ADAMTSL1: variants seen among roughly 807,000 people sequenced by gnomAD.
ADAMTSL1 encodes the protein ADAMTS like 1, also known as ADAMTS-like protein 1.
In ADAMTSL1, 126 loss-of-function variants were observed where a neutral mutation model predicts 201.8. That is an observed-to-expected ratio of 0.62 (90% CI 0.54 to 0.72). The LOEUF (loss-of-function observed/expected upper bound fraction) is 0.72. Ranked by LOEUF, ADAMTSL1 falls within the 30% of genes least tolerant of loss-of-function variation. The probability of loss-of-function intolerance (pLI) is 0.00; values close to 1 mark genes in which losing one functional copy is unlikely to be tolerated. For missense variants in ADAMTSL1, 2,679 were observed against 2,277.8 expected, an observed-to-expected ratio of 1.18 and a Z score of -3.59; for synonymous variants, 1,121 against 903.4, an observed-to-expected ratio of 1.24 and a Z score of -4.32.
chr9:18,261,076 T>G (rs1587418495), intron 2 of ADAMTSL1, among the ~76,000 whole-genome samples: 9 of 75,228 alleles, frequency 1.2e-4, no homozygotes, highest in South Asian at 5.5e-4. Flanking sequence ...TGGGGGAAAG[T>G]GTGGGGCGGG....
intron 1 of ADAMTSL1, among the ~76,000 whole-genome samples, chr9:18,059,376 A>G (rs926047989): frequency 5.3e-5 from 8 of 152,246 alleles, no homozygotes; most frequent in Non-Finnish European, 7.4e-5. Flanking sequence ...ATTTTTGATA[A>G]TTTCATGTCA....
intron 2 of ADAMTSL1, among the ~76,000 whole-genome samples, chr9:18,293,715 T>C (rs543165744): frequency 1.6e-4 from 25 of 152,256 alleles, no homozygotes; most frequent in African/African-American, 4.3e-4. Flanking sequence ...CTCCGTCCCA[T>C]ATAGGAAGGA....
chr9:18,557,441 A>G (rs1821171386), intron 3 of ADAMTSL1, among the ~76,000 whole-genome samples: 1 of 152,100 alleles, frequency 6.6e-6, no homozygotes, highest in Admixed American at 6.6e-5. Context: ...TTGACTTTGC[A>G]AGAAATGACC....
At chr9:18,088,765 A>G (rs1289912086) in intron 1 of ADAMTSL1, among the ~76,000 whole-genome samples, 1 of 152,198 alleles carries the variant, frequency 6.6e-6, no homozygotes, top group Admixed American at 6.6e-5. Context: ...GAGAAATTGA[A>G]ACCTTAGTAC....
chr9:18,635,597 A>T (rs980326955), intron 5 of ADAMTSL1, among the ~76,000 whole-genome samples: 1 of 152,162 alleles, frequency 6.6e-6, no homozygotes, highest in Non-Finnish European at 1.5e-5. Context: ...TCCTTTAAAC[A>T]TTATAATGTA....
At chr9:18,214,162 CTCTT>C (rs1473322727) in intron 2 of ADAMTSL1, among the ~76,000 whole-genome samples, 1 of 152,192 alleles carries the variant, frequency 6.6e-6, no homozygotes. Context: ...GTATTTTCTT[CTCTT>C]TCTAACAGCA....
intron 26 of ADAMTSL1, among the ~76,000 whole-genome samples, chr9:18,900,224 A>C (rs534786872): frequency 5.3e-5 from 8 of 152,358 alleles, no homozygotes; most frequent in African/African-American, 1.9e-4. Context: ...TCAAAACCAC[A>C]ATGAGATAAC....
chr9:18,039,133 C>T lies in ADAMTSL1; in HGVS notation c.88-124729C>T, dbSNP rs1330669765. Among the ~76,000 whole-genome samples, 3 of 152,224 alleles carry T rather than the reference C, an allele frequency of 2.0e-5. No homozygotes were observed. In the East Asian group the frequency reaches 5.8e-4, roughly 29 times the overall value. On this transcript the variant is annotated intron_variant, in intron 1 of 29. Coordinates refer to the ADAMTSL1 transcript ENST00000680146. ...AAAGAACTTTATAGAAAAAACATGACACTAAATAGTTCAGGCCATTATTTT... is the reference window on the plus strand; with the variant it reads ...AAAGAACTTTATAGAAAAAACATGATACTAAATAGTTCAGGCCATTATTTT...
At chr9:18,071,563 C>T (rs534019044) in intron 1 of ADAMTSL1, among the ~76,000 whole-genome samples, 2 of 152,186 alleles carry the variant, frequency 1.3e-5, no homozygotes, top group Non-Finnish European at 2.9e-5. Flanking sequence ...TGCTAATATA[C>T]TCAGAGGGTA....
intron 2 of ADAMTSL1, among the ~76,000 whole-genome samples, chr9:18,226,822 GA>G (rs1275208489): frequency 6.6e-6 from 1 of 151,954 alleles, no homozygotes; most frequent in Non-Finnish European, 1.5e-5. Context: ...TTTAAAATCA[GA>G]AGAAAAAAAT....
intron 1 of ADAMTSL1, among the ~76,000 whole-genome samples, chr9:18,062,687 T>C (rs897598698): frequency 6.6e-6 from 1 of 152,198 alleles, no homozygotes; most frequent in Non-Finnish European, 1.5e-5. Context: ...CTAAAAATTT[T>C]AAAGTGCATA....
At chr9:18,813,258 C>T (rs1376057024) in intron 20 of ADAMTSL1, among the ~76,000 whole-genome samples, 1 of 152,178 alleles carries the variant, frequency 6.6e-6, no homozygotes, top group Non-Finnish European at 1.5e-5. Context: ...GCCACCACAC[C>T]CGGCCCCCAA....
chr9:18,876,885 A>G (rs759113236), intron 23 of ADAMTSL1, among the ~76,000 whole-genome samples: 1 of 152,242 alleles, frequency 6.6e-6, no homozygotes, highest in Admixed American at 6.5e-5. Context: ...GGGAACATCA[A>G]TTATTCTTAG....
At position 18,765,484 on chromosome 9, in the gene ADAMTSL1, CA is replaced by C. The variant is rs577942793; in HGVS notation, c.2218-5117del. Reference sequence around the variant, plus strand: ...GAAAAAAAATACACTGCATTTTCAACAGTGTAAATATTTATGAATCATTATC... The same window carrying C: ...GAAAAAAAATACACTGCATTTTCAACGTGTAAATATTTATGAATCATTATC... On this transcript the variant is annotated intron_variant, in intron 16 of 28. Transcript: ENST00000380548. Among the ~76,000 whole-genome samples the C allele has an allele frequency of 8.8e-5, 11 of 125,400 alleles. No homozygotes were observed. In the South Asian group the frequency reaches 3.0e-3, roughly 34 times the overall value. The allele number at this position is 125,400 out of a possible 152,430, so 82.3% of individuals were successfully genotyped here.
At chr9:18,289,052 A>T (rs1833139333) in intron 2 of ADAMTSL1, among the ~76,000 whole-genome samples, 1 of 152,220 alleles carries the variant, frequency 6.6e-6, no homozygotes, top group African/African-American at 2.4e-5. Context: ...TAGTAGAATT[A>T]TATATTAGTC....
chr9:18,647,433 T>A (rs1827892670), intron 7 of ADAMTSL1, among the ~76,000 whole-genome samples: 1 of 152,050 alleles, frequency 6.6e-6, no homozygotes, highest in Non-Finnish European at 1.5e-5. Flanking sequence ...TGCTAGCTTT[T>A]GAATGTGTTT....
intron 2 of ADAMTSL1, among the ~76,000 whole-genome samples, chr9:18,314,706 G>C (rs1029112370): frequency 1.3e-5 from 2 of 149,272 alleles, no homozygotes; most frequent in African/African-American, 4.9e-5. Context: ...GGTTTATCTC[G>C]AAGAGCAAAA....
intron 1 of ADAMTSL1, among the ~76,000 whole-genome samples, chr9:17,915,992 T>C (rs575311161): frequency 6.6e-6 from 1 of 152,298 alleles, no homozygotes; most frequent in East Asian, 1.9e-4. Flanking sequence ...TGATCTTGGC[T>C]CACTGAAACC....
intron 1 of ADAMTSL1, among the ~76,000 whole-genome samples, chr9:18,040,950 A>C (rs1821402719): frequency 6.6e-6 from 1 of 152,186 alleles, no homozygotes; most frequent in South Asian, 2.1e-4. Flanking sequence ...TGGTTTTAAA[A>C]AATATATTTT....
Sources: gnomAD v4.1 joint callset for allele counts (sites outside exome capture counted in the v4.1 genomes callset) on GRCh38, gnomAD v4.1.1 for gene constraint, MANE v1.5 for transcripts, NCBI Gene and HGNC (gene_info 2026-07-23, HGNC 2026-07-21) for gene names.